Variants in GPAT3 observed in about 807,000 individuals in gnomAD.
The protein encoded by GPAT3 is glycerol-3-phosphate acyltransferase 3.
A neutral mutation model predicts 58.8 loss-of-function variants in GPAT3; 53 were observed. The observed-to-expected ratio is 0.90, with a 90% CI of 0.72 to 1.13. The LOEUF is 1.13. GPAT3 is among the 50% of genes most tolerant of loss of function. The probability of loss-of-function intolerance (pLI) is 0.00; values close to 1 mark genes in which losing one functional copy is unlikely to be tolerated. For missense variants in GPAT3, 511 were observed against 527.6 expected, an observed-to-expected ratio of 0.97 and a Z score of 0.31; for synonymous variants, 197 against 187.4, an observed-to-expected ratio of 1.05 and a Z score of -0.42.
At chr4:83,550,948 G>T (rs1000799701) in intron 2 of GPAT3, among the ~76,000 whole-genome samples, 1 of 152,140 alleles carries the variant, frequency 6.6e-6, no homozygotes, top group African/African-American at 2.4e-5. Flanking sequence ...AAGTTTGATT[G>T]TTAGGTTAGT....
intron 10 of GPAT3, 41 bp from the exon 11 acceptor site, chr4:83,598,603 T>A: frequency 6.7e-7 from 1 of 1,501,976 alleles, no homozygotes; most frequent in Non-Finnish European, 9.2e-7. Flanking sequence ...AAAAACTCGA[T>A]AACTAAGATA....
At chr4:83,576,453 T>C (rs1383456533) in intron 2 of GPAT3, among the ~76,000 whole-genome samples, 5 of 149,964 alleles carry the variant, frequency 3.3e-5, no homozygotes, top group Admixed American at 6.7e-5. Flanking sequence ...TATTTATTTA[T>C]TTACTTTTGA....
In GPAT3 at chr4:83,579,059, T is replaced by C. The variant is rs866827823; in HGVS notation, c.209-2503T>C. On this transcript the variant is annotated intron_variant, in intron 2 of 11. Coordinates refer to ENST00000264409, the MANE Select transcript of GPAT3 (RefSeq NM_032717.5). ...CTTTCTTTCTTTCTTTCTTTCTTTCTTTCTTTCTTTCTTTCTTTCTTCCCT... is the reference window on the plus strand; with the variant it reads ...CTTTCTTTCTTTCTTTCTTTCTTTCCTTCTTTCTTTCTTTCTTTCTTCCCT... Among the ~76,000 whole-genome samples the C allele has an allele frequency of 1.2e-3, 43 of 34,918 alleles. 5 individuals are homozygous for C. The highest frequency in any genetic ancestry group is 1.9e-3 in the African/African-American group (14 of 7,270). 22.9% of individuals were successfully genotyped at this position (34,918 alleles called of 152,430 possible).
intron 3 of GPAT3, 74 bp downstream of exon 3, chr4:83,581,906 C>CG: frequency 6.5e-7 from 1 of 1,530,730 alleles, no homozygotes; most frequent in Non-Finnish European, 8.8e-7. Context: ...ATAATGGCCA[C>CG]GTAAGTGTTC....
At position 83,562,192 on chromosome 4, in the gene GPAT3, TATATATAA is replaced by T. The variant is rs1211186168; in HGVS notation, c.208+17591_208+17598del. On this transcript the variant is annotated intron_variant, in intron 2 of 11. Coordinates refer to ENST00000264409, the MANE Select transcript of GPAT3 (RefSeq NM_032717.5). Reference sequence around the variant, plus strand: ...TTATTTTATATATTATATATATATATATATATAATATATATATATTATATATATATATA... The same window carrying T: ...TTATTTTATATATTATATATATATATTATATATATATTATATATATATATA... Among the ~76,000 whole-genome samples the T allele has an allele frequency of 9.5e-5, 4 of 42,308 alleles. No homozygotes were observed. In the East Asian group the frequency reaches 1.8e-3, roughly 19 times the overall value. 27.8% of individuals were successfully genotyped at this position (42,308 alleles called of 152,430 possible). A position where few individuals can be genotyped will look rare whatever the true frequency, so the allele number is the denominator to read the frequency against.
chr4:83,588,375 G>A (rs1726468646), intron 5 of GPAT3, 76 bp downstream of exon 5: 11 of 1,440,868 alleles, frequency 7.6e-6, no homozygotes, highest in Non-Finnish European at 1.1e-5. Flanking sequence ...CATTGGAAGT[G>A]GTTGGGAAGA....
At chr4:83,565,127 G>T (rs1725334068) in intron 2 of GPAT3, among the ~76,000 whole-genome samples, 1 of 151,792 alleles carries the variant, frequency 6.6e-6, no homozygotes, top group Non-Finnish European at 1.5e-5. Flanking sequence ...TTGAGATGGA[G>T]TCTTGCTGTG....
rs541083808 is a variant in GPAT3, at chr4:83,604,860, A to G, written c.*93A>G. 2.3e-5 allele frequency: 24 copies of G among 1,036,954 alleles called. No homozygotes were observed. In the Admixed American group the frequency reaches 3.5e-4, roughly 15 times the overall value. 64.2% of individuals were successfully genotyped at this position (1,036,954 alleles called of 1,614,324 possible). A position where few individuals can be genotyped will look rare whatever the true frequency, so the allele number is the denominator to read the frequency against. Reference sequence around the variant, plus strand: ...TTTGTTTTATTGTTTTGTTTTTATTATTGTTAATCTTTTCTACAGAATGAT... The same window carrying G: ...TTTGTTTTATTGTTTTGTTTTTATTGTTGTTAATCTTTTCTACAGAATGAT... On this transcript the variant is annotated 3_prime_UTR_variant, in exon 12 of 12. Transcript: ENST00000264409.
At chr4:83,583,187 G>A (rs534968042) in intron 3 of GPAT3, among the ~76,000 whole-genome samples, 32 of 152,084 alleles carry the variant, frequency 2.1e-4, no homozygotes, top group African/African-American at 7.0e-4. Flanking sequence ...TCAGCTACTC[G>A]GGAGGCTGAG....
chr4:83,598,464 C>T (rs368039099), intron 10 of GPAT3, 180 bp from the exon 11 acceptor site: 4 of 730,076 alleles, frequency 5.5e-6, no homozygotes, highest in East Asian at 2.7e-5. Context: ...AAAAATTAAA[C>T]AATACAACAC....
At chr4:83,540,979 C>G (rs1437408205) in intron 1 of GPAT3, among the ~76,000 whole-genome samples, 1 of 152,124 alleles carries the variant, frequency 6.6e-6, no homozygotes, top group African/African-American at 2.4e-5. Flanking sequence ...CATGAACCAC[C>G]ATGCCTGGCT....
intron 2 of GPAT3, among the ~76,000 whole-genome samples, chr4:83,547,421 T>TG (rs775140398): frequency 3.4e-4 from 52 of 151,542 alleles, no homozygotes; most frequent in Non-Finnish European, 6.0e-4. Flanking sequence ...CCCAGCTAAT[T>TG]TTTTGTATTT....
intron 2 of GPAT3, among the ~76,000 whole-genome samples, chr4:83,550,879 C>T (rs1033000974): frequency 5.9e-5 from 9 of 152,174 alleles, no homozygotes; most frequent in African/African-American, 2.2e-4. Flanking sequence ...TCTGATAAAA[C>T]TCACTAGAGT....
chr4:83,558,419 A>C, intron 2 of GPAT3, among the ~76,000 whole-genome samples: 1 of 152,198 alleles, frequency 6.6e-6, no homozygotes, highest in East Asian at 1.9e-4. Context: ...AGAACCTAAA[A>C]AGATGCTGCA....
rs1000338723 is a variant in GPAT3, at chr4:83,598,128, C to A, written c.1074C>A (p.Thr358=). The part of the protein sequence containing the change: ...NMVSYLLRMM[T]SWAIVCDVWY... Reference sequence around the variant, plus strand: ...TGAGCTACCTGCTTCGAATGATGACCAGCTGGGCCATCGTCTGTGACGTGT... The same window carrying A: ...TGAGCTACCTGCTTCGAATGATGACAAGCTGGGCCATCGTCTGTGACGTGT... The change falls in exon 10 of 12, where the codon ACC becomes ACA. Residue 358 remains threonine (T), a synonymous_variant. Transcript: ENST00000264409. 1.5e-5 allele frequency: 24 copies of A among 1,613,534 alleles called. No homozygotes were observed. The highest frequency in any genetic ancestry group is 2.0e-5 in the Non-Finnish European group (24 of 1,179,798).
At chr4:83,601,646 T>A (rs1727057233) in intron 11 of GPAT3, among the ~76,000 whole-genome samples, 1 of 152,220 alleles carries the variant, frequency 6.6e-6, no homozygotes, top group African/African-American at 2.4e-5. Flanking sequence ...TCCCAGCTAC[T>A]CGGGAGGCTG....
chr4:83,588,084 T>C, intron 4 of GPAT3, 126 bp from the exon 5 acceptor site: 1 of 711,514 alleles, frequency 1.4e-6, no homozygotes, highest in Non-Finnish European at 2.3e-6. Flanking sequence ...CTATAAGAAT[T>C]GAACTGTACC....
intron 2 of GPAT3, among the ~76,000 whole-genome samples, chr4:83,559,204 A>T (rs528245149): frequency 1.3e-5 from 2 of 152,344 alleles, no homozygotes; most frequent in African/African-American, 4.8e-5. Flanking sequence ...GATTGTAAAA[A>T]GTTCTCTATA....
chr4:83,592,380 C>G (rs1726635547), intron 6 of GPAT3, among the ~76,000 whole-genome samples: 1 of 152,120 alleles, frequency 6.6e-6, no homozygotes. Flanking sequence ...CCATTAGCCT[C>G]CAGACATCAT....
Sources: gnomAD v4.1 joint callset for allele counts (sites outside exome capture counted in the v4.1 genomes callset) on GRCh38, gnomAD v4.1.1 for gene constraint, MANE v1.5 for transcripts, NCBI Gene and HGNC (gene_info 2026-07-23, HGNC 2026-07-21) for gene names.